Variants in SPC24 observed in about 807,000 individuals in gnomAD.
SPC24 encodes kinetochore protein Spc24.
Under a neutral mutation model 27.6 loss-of-function variants are expected in SPC24, and 31 were observed. The observed-to-expected ratio is 1.12, with a 90% CI of 0.84 to 1.52. SPC24 has a LOEUF of 1.52. Ranked by LOEUF, SPC24 falls within the 40% of genes most tolerant of loss-of-function variation. The pLI is 0.00. For missense variants in SPC24, 284 were observed against 252.5 expected (o/e 1.12, Z -0.84); for synonymous variants, 105 against 105.8 (o/e 0.99, Z 0.05).
chr19:11,147,118 A>T lies in SPC24; in HGVS notation c.*65T>A. On this transcript the variant is annotated 3_prime_UTR_variant, in exon 5 of 5. Coordinates refer to ENST00000592540, the MANE Select transcript of SPC24 (RefSeq NM_182513.4). Reference sequence around the variant, plus strand: ...AAAAAGATCTATGTCCCCACATTTCATTTGAAATGGATCTGACCACGGCAG... The same window carrying T: ...AAAAAGATCTATGTCCCCACATTTCTTTTGAAATGGATCTGACCACGGCAG... 1.1e-6 allele frequency: 1 copy of T among 929,792 alleles called. No homozygotes were observed. The allele number at this position is 929,792 out of a possible 1,614,324, so 57.6% of individuals were successfully genotyped here.
intron 1 of SPC24, among the ~76,000 whole-genome samples, chr19:11,150,085 G>A (rs2077858993): frequency 6.6e-6 from 1 of 150,876 alleles, no homozygotes; most frequent in Admixed American, 6.6e-5. Context: ...TACTTGGGAG[G>A]CTGAGACAGG....
intron 1 of SPC24, among the ~76,000 whole-genome samples, chr19:11,151,176 A>C (rs2147321046): frequency 6.6e-6 from 1 of 151,854 alleles, no homozygotes; most frequent in African/African-American, 2.4e-5. Flanking sequence ...AAAAAAAAAA[A>C]AAAAAAAATG....
intron 1 of SPC24, among the ~76,000 whole-genome samples, chr19:11,150,580 T>C (rs1376847030): frequency 6.7e-6 from 1 of 150,090 alleles, no homozygotes; most frequent in Non-Finnish European, 1.5e-5. Context: ...AAGGATCACT[T>C]GGACAGGAGT....
chr19:11,150,782 A>G (rs972601454), intron 1 of SPC24, among the ~76,000 whole-genome samples: 8 of 151,978 alleles, frequency 5.3e-5, no homozygotes, highest in African/African-American at 1.9e-4. Context: ...ACAGAGAGAG[A>G]CCCTTTCTCA....
At chr19:11,152,293 G>T (rs56237989) in intron 1 of SPC24, among the ~76,000 whole-genome samples, 81,744 of 150,292 alleles carry the variant, frequency 0.54, 23,958 homozygotes, top group African/African-American at 0.77. Flanking sequence ...CACTGCAGCC[G>T]CCACCTCCCA....
intron 1 of SPC24, among the ~76,000 whole-genome samples, chr19:11,150,765 C>T (rs909513461): frequency 6.6e-6 from 1 of 152,138 alleles, no homozygotes; most frequent in Non-Finnish European, 1.5e-5. Flanking sequence ...GCACTCCAGC[C>T]TGGGTGACAG....
intron 1 of SPC24, among the ~76,000 whole-genome samples, chr19:11,152,728 T>C (rs1009797589): frequency 6.6e-6 from 1 of 151,996 alleles, no homozygotes; most frequent in African/African-American, 2.4e-5. Flanking sequence ...GAGTCACATC[T>C]TTCTCCTCAA....
At chr19:11,152,753 G>A (rs879566288) in intron 1 of SPC24, among the ~76,000 whole-genome samples, 13 of 152,216 alleles carry the variant, frequency 8.5e-5, no homozygotes, top group South Asian at 2.1e-4. Flanking sequence ...TCAAAGGAGG[G>A]GGAGTTAATG....
At chr19:11,153,488 G>A (rs866393032) in intron 1 of SPC24, among the ~76,000 whole-genome samples, 2 of 151,866 alleles carry the variant, frequency 1.3e-5, no homozygotes, top group Admixed American at 6.6e-5. Flanking sequence ...TGGGCTGGGC[G>A]CAGTGGCTCA....
rs759789030 is a variant in SPC24 at position 11,148,028 on chromosome 19, G to C, written c.395C>G (p.Thr132Arg). ...EKEVDEDTTVTIPSAVYVAQL... is the reference protein window; with the variant it reads ...EKEVDEDTTVRIPSAVYVAQL... ...CAGAACCTACACGGCCGAGGGGATT[G>C]TGACTGTCGTGTCCTCGTCGACCTC... The change falls in exon 3 of 5, where the codon ACA becomes AGA. Residue 132 changes from threonine to arginine, a missense_variant. By Grantham distance (71) the Thr-to-Arg change is moderately conservative. Transcript: ENST00000592540. 5 of 1,613,650 alleles carry C rather than the reference G, an allele frequency of 3.1e-6. No homozygotes were observed. The highest frequency in any genetic ancestry group is 2.5e-6 in the Non-Finnish European group (3 of 1,179,766).
intron 1 of SPC24, among the ~76,000 whole-genome samples, chr19:11,155,150 G>C (rs1450079127): frequency 6.6e-6 from 1 of 152,160 alleles, no homozygotes; most frequent in African/African-American, 2.4e-5. Context: ...CCTGGCAGCA[G>C]CAGATGCTCC....
chr19:11,151,223 A>C (rs1463885686), intron 1 of SPC24, among the ~76,000 whole-genome samples: 1 of 151,488 alleles, frequency 6.6e-6, no homozygotes, highest in African/African-American at 2.4e-5. Flanking sequence ...TTAGAAACTT[A>C]CATTATTTTT....
chr19:11,147,687 G>T, intron 4 of SPC24, 131 bp downstream of exon 4: 1 of 813,216 alleles, frequency 1.2e-6, no homozygotes. Flanking sequence ...TCCCACCTCA[G>T]CCTCCCAGGT....
In SPC24 at chr19:11,150,968, C is replaced by T. The variant is rs567026031; in HGVS notation, c.161-1730G>A. Among the ~76,000 whole-genome samples the T allele has an allele frequency of 6.5e-3, 993 of 152,134 alleles. 2 individuals are homozygous for T. Among genetic ancestry groups the T allele is most frequent in the Middle Eastern group, 0.01 (3 of 294 alleles). On this transcript the variant is annotated intron_variant, in intron 1 of 4. Coordinates refer to ENST00000592540, the MANE Select transcript of SPC24 (RefSeq NM_182513.4). ...CACGAGGTCAGTAGATCGAGACCAT[C>T]CTGGCTAACATGGTGAAACCCCGTC...
intron 1 of SPC24, among the ~76,000 whole-genome samples, chr19:11,151,066 A>G (rs1016624906): frequency 2.0e-5 from 3 of 150,402 alleles, no homozygotes; most frequent in African/African-American, 7.3e-5. Flanking sequence ...GGGAGGCTGA[A>G]GCAGGAGAAT....
intron 1 of SPC24, among the ~76,000 whole-genome samples, chr19:11,155,078 C>T (rs1178303496): frequency 6.6e-6 from 1 of 152,050 alleles, no homozygotes; most frequent in East Asian, 1.9e-4. Context: ...CCCAGCTACT[C>T]AGGAGGCTGA....
At position 11,155,774 on chromosome 19, in the gene SPC24, C is replaced by CATG; in HGVS notation, c.-1_2dup (p.Trp1_?0). 1 of 1,535,640 alleles carries CATG rather than the reference C, an allele frequency of 6.5e-7. No homozygotes were observed. The highest frequency in any genetic ancestry group is 1.4e-5 in the African/African-American group (1 of 71,880). On this transcript the variant is annotated start_lost and start_retained_variant, in exon 1 of 5. Transcript: ENST00000592540. ...CCTCCTCTATGTCGCGGAAGGCGGC[C>CATG]ATGACTACGCCAGGCTCCAACCCGC...
Position 11,147,896 on chromosome 19 carries a change from T to C in SPC24, c.411-2A>G. The C allele has an allele frequency of 1.3e-6, 2 of 1,517,724 alleles. No individual in the cohort carries two copies. The allele number at this position is 1,517,724 out of a possible 1,614,324, so 94.0% of individuals were successfully genotyped here. ...TGGTGGTAAAGTTGAGCCACGTACCTGTACAGGAAGACAAAAAAAAAAAAA... is the reference window on the plus strand; with the variant it reads ...TGGTGGTAAAGTTGAGCCACGTACCCGTACAGGAAGACAAAAAAAAAAAAA... On this transcript the variant is annotated splice_acceptor_variant, in intron 3 of 4. Transcript: ENST00000592540. LOFTEE classifies it high-confidence loss of function.
At chr19:11,150,185 CAAA>C (rs770061574) in intron 1 of SPC24, among the ~76,000 whole-genome samples, 2 of 32,270 alleles carry the variant, frequency 6.2e-5, no homozygotes, top group Non-Finnish European at 1.2e-4. Flanking sequence ...AACTCCATCT[CAAA>C]AAAAAAAAAA....
Sources: gnomAD v4.1 joint callset for allele counts (sites outside exome capture counted in the v4.1 genomes callset) on GRCh38, gnomAD v4.1.1 for gene constraint, MANE v1.5 for transcripts, NCBI Gene and HGNC (gene_info 2026-07-23, HGNC 2026-07-21) for gene names.